The following GATAD2A variants were observed in gnomAD, a reference collection of about 807,000 sequenced individuals.
GATAD2A encodes the protein transcriptional repressor p66-alpha.
A neutral mutation model predicts 68.5 loss-of-function variants in GATAD2A; 12 were observed. That is an observed-to-expected ratio of 0.18 (90% CI 0.11 to 0.28). The LOEUF is 0.28. Ranked by LOEUF, GATAD2A falls within the 10% of genes least tolerant of loss-of-function variation. The pLI is 1.00. For synonymous variants in GATAD2A, 410 were observed against 375.3 expected, an observed-to-expected ratio of 1.09 and a Z score of -1.07; for missense variants, 755 against 868.5, an observed-to-expected ratio of 0.87 and a Z score of 1.64.
chr19:19,420,646 T>A (rs1021490691), intron 1 of GATAD2A, among the ~76,000 whole-genome samples: 2 of 151,998 alleles, frequency 1.3e-5, no homozygotes, highest in Non-Finnish European at 2.9e-5. Context: ...AGCCCCATCT[T>A]GACTTTTTTT....
At chr19:19,418,326 C>G (rs940294448) in intron 1 of GATAD2A, among the ~76,000 whole-genome samples, 1 of 152,208 alleles carries the variant, frequency 6.6e-6, no homozygotes, top group African/African-American at 2.4e-5. Flanking sequence ...GTGTGTCCCC[C>G]TCTCCAAACT....
intron 7 of GATAD2A, among the ~76,000 whole-genome samples, chr19:19,497,505 T>C (rs2060231214): frequency 6.6e-6 from 1 of 152,006 alleles, no homozygotes; most frequent in Non-Finnish European, 1.5e-5. Flanking sequence ...TGGGGGAGGC[T>C]CTGAGGGGAA....
intron 1 of GATAD2A, among the ~76,000 whole-genome samples, chr19:19,452,645 C>T (rs1228950977): frequency 6.6e-6 from 1 of 152,004 alleles, no homozygotes; most frequent in Non-Finnish European, 1.5e-5. Flanking sequence ...GTAGGCAGGA[C>T]AGGTCCTGGT....
At chr19:19,483,292 C>T (rs2059185715) in intron 2 of GATAD2A, among the ~76,000 whole-genome samples, 1 of 152,198 alleles carries the variant, frequency 6.6e-6, no homozygotes. Context: ...AATGGATTCC[C>T]AGAGCGGTCG....
In GATAD2A at chr19:19,506,600, G is replaced by A. The variant is rs2060877586; in HGVS notation, c.*1126G>A. ...CCTTAAACCTAGGGGTTGCTGTCAG[G>A]ATTTGCTTTCAGACTTTTTTTTTTT... On this transcript the variant is annotated 3_prime_UTR_variant, in exon 12 of 12. Transcript: ENST00000683918. The A allele has an allele frequency of 1.3e-5, 2 of 155,680 alleles. No homozygotes were observed. The allele number at this position is 155,680 out of a possible 1,614,324, so 9.6% of individuals were successfully genotyped here.
intron 10 of GATAD2A, 94 bp downstream of exon 10, chr19:19,502,137 C>A: frequency 1.0e-6 from 1 of 998,342 alleles, no homozygotes; most frequent in Non-Finnish European, 1.6e-6. Flanking sequence ...TTCTGTCTGT[C>A]TCTCCCTGTT....
chr19:19,462,582 T>G (rs2057531924), intron 1 of GATAD2A, among the ~76,000 whole-genome samples: 1 of 152,224 alleles, frequency 6.6e-6, no homozygotes. Flanking sequence ...TGAGCTGCTG[T>G]GCACCTTGAG....
At chr19:19,409,419 G>A in intron 1 of GATAD2A, among the ~76,000 whole-genome samples, 1 of 152,168 alleles carries the variant, frequency 6.6e-6, no homozygotes, top group East Asian at 1.9e-4. Flanking sequence ...GTCTGGTTGG[G>A]AAGTGTGGCA....
At chr19:19,493,235 G>A (rs565358141) in intron 4 of GATAD2A, among the ~76,000 whole-genome samples, 4 of 152,324 alleles carry the variant, frequency 2.6e-5, no homozygotes, top group East Asian at 3.9e-4. Flanking sequence ...CACTGTGCCC[G>A]CCCTAAAGCT....
At chr19:19,437,409 C>G (rs992888575) in intron 1 of GATAD2A, among the ~76,000 whole-genome samples, 1 of 152,162 alleles carries the variant, frequency 6.6e-6, no homozygotes. Context: ...GGCATACAGG[C>G]AAATTACACT....
At chr19:19,492,225 C>T (rs1240884726) in intron 2 of GATAD2A, 81 bp from the exon 3 acceptor site, 2 of 1,420,798 alleles carry the variant, frequency 1.4e-6, no homozygotes, top group Non-Finnish European at 1.9e-6. Flanking sequence ...GAGGTCTCAG[C>T]TCCCTGCCAT....
intron 2 of GATAD2A, among the ~76,000 whole-genome samples, chr19:19,475,624 G>A (rs990583566): frequency 2.0e-5 from 3 of 152,284 alleles, no homozygotes; most frequent in East Asian, 1.9e-4. Flanking sequence ...CACCAGCTCC[G>A]ACTAGAAATC....
intron 11 of GATAD2A, 105 bp from the exon 12 acceptor site, chr19:19,505,239 T>C (rs2060810738): frequency 3.7e-6 from 4 of 1,078,532 alleles, no homozygotes; most frequent in Middle Eastern, 2.1e-4. Flanking sequence ...GGCTCCTGGG[T>C]CCTTAGTCTG....
At position 19,507,781 on chromosome 19, in the gene GATAD2A, A is replaced by G. The variant is rs1297847010; in HGVS notation, c.*2307A>G. 1 of 152,074 alleles carries G rather than the reference A, an allele frequency of 6.6e-6. No individual in the cohort carries two copies. The highest frequency in any genetic ancestry group is 2.4e-5 in the African/African-American group (1 of 41,372). 9.4% of individuals were successfully genotyped at this position (152,074 alleles called of 1,614,324 possible). On this transcript the variant is annotated 3_prime_UTR_variant, in exon 12 of 12. Coordinates refer to ENST00000683918, the MANE Select transcript of GATAD2A (RefSeq NM_001384528.1). The stretch of plus-strand genomic sequence containing the variant: ...TTTTTTTTTCCCCCCAGGGGGCAAA[A>G]GTGTGAGATGCCTTAATCTTTCCTT...
chr19:19,400,326 G>A (rs1407958930), intron 1 of GATAD2A, among the ~76,000 whole-genome samples: 4 of 152,280 alleles, frequency 2.6e-5, no homozygotes, highest in South Asian at 2.1e-4. Context: ...TGAACCCTGC[G>A]CTGCAGAAAC....
intron 1 of GATAD2A, among the ~76,000 whole-genome samples, chr19:19,411,102 G>T (rs1247856171): frequency 6.6e-6 from 1 of 152,194 alleles, no homozygotes; most frequent in African/African-American, 2.4e-5. Flanking sequence ...ACACTGGGGC[G>T]CATGCCTCAG....
intron 11 of GATAD2A, among the ~76,000 whole-genome samples, chr19:19,504,843 A>G (rs972970780): frequency 2.6e-5 from 4 of 151,582 alleles, no homozygotes; most frequent in African/African-American, 4.9e-5. Context: ...GGGCCTCACT[A>G]TGTTGCCCAG....
At chr19:19,407,571 C>T (rs74760168) in intron 1 of GATAD2A, among the ~76,000 whole-genome samples, 6,137 of 152,244 alleles carry the variant, frequency 0.04, 420 homozygotes, top group African/African-American at 0.14. Flanking sequence ...GTTTGCGAAC[C>T]CTAGTGAGCA....
At chr19:19,440,724 C>G (rs919026832) in intron 1 of GATAD2A, among the ~76,000 whole-genome samples, 1 of 152,144 alleles carries the variant, frequency 6.6e-6, no homozygotes, top group African/African-American at 2.4e-5. Flanking sequence ...GAAGGGGAAG[C>G]AATCCCTTAA....
Sources: gnomAD v4.1 joint callset for allele counts (sites outside exome capture counted in the v4.1 genomes callset) on GRCh38, gnomAD v4.1.1 for gene constraint, MANE v1.5 for transcripts, NCBI Gene and HGNC (gene_info 2026-07-23, HGNC 2026-07-21) for gene names.